The following COG5 variants were observed in gnomAD, a reference collection of about 807,000 sequenced individuals.
COG5 encodes conserved oligomeric Golgi complex subunit 5.
In COG5, 86 loss-of-function variants were observed where a neutral mutation model predicts 110.4. The ratio of observed to expected loss-of-function variants is 0.78; its 90% confidence interval spans 0.65 to 0.93. The LOEUF (loss-of-function observed/expected upper bound fraction) is 0.93, where lower values mean the gene tolerates loss of function less well. Among genes scored for constraint, COG5 ranks in the 40% least tolerant of loss-of-function variants. COG5 has a pLI of 0.00. For missense variants in COG5, 1,077 were observed against 987.0 expected (o/e 1.09, Z -1.22); for synonymous variants, 360 against 334.6 (o/e 1.08, Z -0.83).
At chr7:107,385,074 G>C in intron 7 of COG5, among the ~76,000 whole-genome samples, 1 of 152,164 alleles carries the variant, frequency 6.6e-6, no homozygotes, top group Non-Finnish European at 1.5e-5. Context: ...GAATTATAGT[G>C]GGCCTTAAAG....
At position 107,264,802 on chromosome 7, in the gene COG5, C is replaced by T. The variant is rs377446620; in HGVS notation, c.1576-6419G>A. On this transcript the variant is annotated intron_variant, in intron 14 of 21. Coordinates refer to ENST00000297135, the MANE Select transcript of COG5 (RefSeq NM_006348.5). ...TTTATAAAACTGAGAAATCATAAAA[C>T]CCTACATGTCTAAGAATAAGGGAAT... Among the ~76,000 whole-genome samples, 8 of 151,966 alleles carry T rather than the reference C, an allele frequency of 5.3e-5. No homozygotes were observed. In the East Asian group the frequency reaches 9.6e-4, roughly 18 times the overall value.
At chr7:107,410,298 T>C (rs574207490) in intron 7 of COG5, among the ~76,000 whole-genome samples, 1 of 152,126 alleles carries the variant, frequency 6.6e-6, no homozygotes, top group African/African-American at 2.4e-5. Flanking sequence ...GTTAGGTGAA[T>C]AGTTGAAGAG....
At chr7:107,382,031 G>A (rs922462718) in intron 7 of COG5, among the ~76,000 whole-genome samples, 9 of 152,110 alleles carry the variant, frequency 5.9e-5, no homozygotes, top group African/African-American at 2.2e-4. Flanking sequence ...TGAAAAAACT[G>A]GTAATTTACC....
intron 6 of COG5, among the ~76,000 whole-genome samples, chr7:107,483,877 G>A (rs1171370418): frequency 1.0e-5 from 1 of 98,384 alleles, no homozygotes; most frequent in Non-Finnish European, 2.0e-5. Context: ...AAATGTCACG[G>A]GTATGGTTAT....
At chr7:107,476,693 T>C (rs1797017143) in intron 6 of COG5, among the ~76,000 whole-genome samples, 2 of 151,754 alleles carry the variant, frequency 1.3e-5, no homozygotes, top group Non-Finnish European at 3.0e-5. Context: ...CAATAAGTTA[T>C]TTAAAATAGG....
chr7:107,505,498 G>C (rs1386553312), intron 6 of COG5, among the ~76,000 whole-genome samples: 1 of 152,210 alleles, frequency 6.6e-6, no homozygotes, highest in Non-Finnish European at 1.5e-5. Context: ...TCACCCTGAA[G>C]TGTTTCAGAG....
chr7:107,508,195 C>T (rs928659294), intron 6 of COG5, among the ~76,000 whole-genome samples: 1 of 152,218 alleles, frequency 6.6e-6, no homozygotes, highest in African/African-American at 2.4e-5. Flanking sequence ...CTGCACTTTT[C>T]CAATGGGCTT....
chr7:107,269,302 C>T (rs145122318), intron 14 of COG5, among the ~76,000 whole-genome samples: 2,849 of 151,956 alleles, frequency 0.019, 87 homozygotes, highest in African/African-American at 0.063. Context: ...GGTGATACCC[C>T]GTCTCTACTA....
At chr7:107,425,798 G>C (rs943266985) in intron 6 of COG5, among the ~76,000 whole-genome samples, 5 of 152,112 alleles carry the variant, frequency 3.3e-5, no homozygotes, top group African/African-American at 1.2e-4. Flanking sequence ...ATGTGTTATG[G>C]GTTGAACTGT....
chr7:107,350,799 C>CT (rs1466626846), intron 10 of COG5, among the ~76,000 whole-genome samples: 1 of 152,170 alleles, frequency 6.6e-6, no homozygotes, highest in Non-Finnish European at 1.5e-5. Context: ...CTTCTTCCAT[C>CT]TTGCTACATC....
chr7:107,377,914 C>T (rs1335086371), intron 7 of COG5, among the ~76,000 whole-genome samples: 4 of 152,176 alleles, frequency 2.6e-5, no homozygotes, highest in Non-Finnish European at 4.4e-5. Flanking sequence ...CTGAAGCAAG[C>T]TCTGCTAAGG....
chr7:107,515,828 A>G (rs1281376738), intron 6 of COG5, among the ~76,000 whole-genome samples: 1 of 152,216 alleles, frequency 6.6e-6, no homozygotes, highest in Admixed American at 6.5e-5. Context: ...CAATTATTAA[A>G]TCAATTCTCA....
intron 6 of COG5, among the ~76,000 whole-genome samples, chr7:107,519,586 C>G (rs1278609683): frequency 6.6e-6 from 1 of 152,040 alleles, no homozygotes; most frequent in African/African-American, 2.4e-5. Flanking sequence ...ACTCCCAAGA[C>G]TAAGCCAGGA....
intron 18 of COG5, 106 bp from the exon 19 acceptor site, chr7:107,230,797 A>T (rs774126472): frequency 2.3e-6 from 2 of 855,354 alleles, no homozygotes; most frequent in Non-Finnish European, 4.0e-6. Context: ...ACTTAATTTT[A>T]TCTGGACTGT....
At chr7:107,322,401 C>T (rs1809383548) in intron 11 of COG5, among the ~76,000 whole-genome samples, 1 of 152,106 alleles carries the variant, frequency 6.6e-6, no homozygotes, top group Admixed American at 6.5e-5. Context: ...TGCCATTTCT[C>T]CAGAACTGTG....
At chr7:107,449,473 T>C (rs1193923752) in intron 6 of COG5, among the ~76,000 whole-genome samples, 2 of 152,254 alleles carry the variant, frequency 1.3e-5, no homozygotes, top group African/African-American at 4.8e-5. Context: ...TGTTAAGTGA[T>C]GCTATCATCT....
chr7:107,322,849 A>G (rs1809425169), intron 11 of COG5, among the ~76,000 whole-genome samples: 1 of 152,210 alleles, frequency 6.6e-6, no homozygotes, highest in Admixed American at 6.5e-5. Context: ...ATTGTGGTAT[A>G]TATCTACACA....
chr7:107,384,076 C>G (rs1584756081), intron 7 of COG5, among the ~76,000 whole-genome samples: 1 of 152,278 alleles, frequency 6.6e-6, no homozygotes, highest in East Asian at 1.9e-4. Context: ...CATTTTGATA[C>G]ATGTCTTCTA....
intron 7 of COG5, among the ~76,000 whole-genome samples, chr7:107,399,802 A>C (rs998993839): frequency 1.3e-5 from 2 of 152,214 alleles, no homozygotes; most frequent in African/African-American, 4.8e-5. Context: ...TTCACTATTA[A>C]GCAGTTAAAA....
Sources: allele counts gnomAD v4.1 joint callset (sites outside exome capture counted in the v4.1 genomes callset), GRCh38; gene constraint gnomAD v4.1.1; transcripts MANE v1.5; gene names NCBI Gene and HGNC (gene_info 2026-07-23, HGNC 2026-07-21).